The following CUL1 variants were observed in gnomAD, a reference collection of about 807,000 sequenced individuals.
CUL1 encodes the protein cullin-1.
In CUL1, 24 loss-of-function variants were observed where a neutral mutation model predicts 118.0. That is an observed-to-expected ratio of 0.20 (90% CI 0.15 to 0.29). The LOEUF is 0.29. Ranked by LOEUF, CUL1 falls within the 10% of genes least tolerant of loss-of-function variation. CUL1 has a pLI of 1.00. For synonymous variants in CUL1, 332 were observed against 340.4 expected, an observed-to-expected ratio of 0.98 and a Z score of 0.27; for missense variants, 361 against 933.8, an observed-to-expected ratio of 0.39 and a Z score of 7.99.
chr7:148,722,908 T>C (rs776264285), intron 1 of CUL1, among the ~76,000 whole-genome samples: 2 of 152,378 alleles, frequency 1.3e-5, no homozygotes, highest in Admixed American at 1.3e-4. Flanking sequence ...GTTGGCATCA[T>C]GCCCTAATCA....
intron 1 of CUL1, among the ~76,000 whole-genome samples, chr7:148,706,552 C>T (rs1797890780): frequency 6.6e-6 from 1 of 151,986 alleles, no homozygotes; most frequent in Admixed American, 6.6e-5. Context: ...GGACTCAAAA[C>T]ACACAAAGGG....
chr7:148,794,818 T>C (rs555142063), intron 17 of CUL1, among the ~76,000 whole-genome samples: 1 of 152,344 alleles, frequency 6.6e-6, no homozygotes, highest in South Asian at 2.1e-4. Context: ...TTGATGCTAT[T>C]ATAAATGGAA....
chr7:148,720,819 G>A (rs767206308), intron 1 of CUL1, among the ~76,000 whole-genome samples: 92 of 152,362 alleles, frequency 6.0e-4, no homozygotes, highest in Non-Finnish European at 9.1e-4. Context: ...TGCCACAACA[G>A]ATCTGGTGGC....
chr7:148,785,584 G>A (rs963073848), intron 11 of CUL1, among the ~76,000 whole-genome samples: 3 of 146,324 alleles, frequency 2.1e-5, no homozygotes, highest in Non-Finnish European at 3.0e-5. Flanking sequence ...GGCTCGTCTC[G>A]AACTCCTGAC....
At chr7:148,769,397 TCACACACACACACACACACACACACACA>T (rs55858322) in intron 9 of CUL1, among the ~76,000 whole-genome samples, 2 of 129,042 alleles carry the variant, frequency 1.5e-5, no homozygotes, top group South Asian at 2.8e-4. Context: ...AGGGCCTGAT[TCACACACACACACACACACACACACACA>T]CACACACACA....
chr7:148,791,323 A>G (rs1801000793), intron 16 of CUL1, among the ~76,000 whole-genome samples: 1 of 152,220 alleles, frequency 6.6e-6, no homozygotes, highest in African/African-American at 2.4e-5. Context: ...GAAACTCCAG[A>G]ATGGGTTGTT....
chr7:148,777,958 G>A lies in CUL1; in HGVS notation c.1084-5825G>A, dbSNP rs572499205. 2.0e-3 allele frequency among the ~76,000 whole-genome samples: 297 copies of A among 151,014 alleles called. 7 individuals carry two copies. Among genetic ancestry groups the A allele is most frequent in the Non-Finnish European group, 2.1e-4 (14 of 67,776 alleles). ...TGCACCTGTAATCTCAGCTACTTGG[G>A]AGGCTGAGGCAGAAGAGTCACTTGA... On this transcript the variant is annotated intron_variant, in intron 9 of 21. Coordinates refer to ENST00000325222, the MANE Select transcript of CUL1 (RefSeq NM_003592.3).
At chr7:148,711,238 A>G (rs1798040306) in intron 1 of CUL1, among the ~76,000 whole-genome samples, 1 of 152,236 alleles carries the variant, frequency 6.6e-6, no homozygotes, top group Admixed American at 6.5e-5. Flanking sequence ...GGAAAATACT[A>G]AAAAGTTCTT....
intron 7 of CUL1, among the ~76,000 whole-genome samples, chr7:148,763,142 G>A (rs993535392): frequency 6.6e-6 from 1 of 151,072 alleles, no homozygotes; most frequent in Non-Finnish European, 1.5e-5. Flanking sequence ...GTGAGACTCT[G>A]TCTCAAAAAA....
At chr7:148,706,743 C>T (rs1020270367) in intron 1 of CUL1, among the ~76,000 whole-genome samples, 2 of 151,994 alleles carry the variant, frequency 1.3e-5, no homozygotes, top group African/African-American at 2.4e-5. Flanking sequence ...ACAGGTGAAA[C>T]GTACTGTATG....
intron 9 of CUL1, among the ~76,000 whole-genome samples, chr7:148,768,988 GA>G (rs1323456058): frequency 6.6e-6 from 1 of 151,956 alleles, no homozygotes; most frequent in East Asian, 1.9e-4. Flanking sequence ...TGGATTTTAT[GA>G]AAAAGATCTC....
intron 14 of CUL1, 63 bp downstream of exon 14, chr7:148,788,737 A>G (rs1800903316): frequency 9.4e-7 from 1 of 1,060,876 alleles, no homozygotes. Flanking sequence ...AAATGAAGAA[A>G]TGACAAAATA....
chr7:148,777,860 G>A (rs555686719), intron 9 of CUL1, among the ~76,000 whole-genome samples: 2 of 151,894 alleles, frequency 1.3e-5, no homozygotes, highest in South Asian at 4.2e-4. Context: ...GAGGTCAGGA[G>A]TTTGAGACCA....
intron 1 of CUL1, among the ~76,000 whole-genome samples, chr7:148,722,607 C>A (rs1798432364): frequency 6.6e-6 from 1 of 152,232 alleles, no homozygotes; most frequent in African/African-American, 2.4e-5. Flanking sequence ...TCTGCACTAG[C>A]CATTTCTATC....
intron 9 of CUL1, among the ~76,000 whole-genome samples, chr7:148,770,036 AG>A: frequency 1.3e-5 from 2 of 152,398 alleles, no homozygotes; most frequent in South Asian, 4.1e-4. Context: ...GGATACAATC[AG>A]CTGCCTGATA....
chr7:148,765,124 A>G (rs1242841444), intron 7 of CUL1, among the ~76,000 whole-genome samples: 1 of 152,232 alleles, frequency 6.6e-6, no homozygotes, highest in Non-Finnish European at 1.5e-5. Flanking sequence ...TACATACTGC[A>G]GATATTTTCC....
At chr7:148,763,000 A>G (rs1799883740) in intron 7 of CUL1, among the ~76,000 whole-genome samples, 1 of 152,212 alleles carries the variant, frequency 6.6e-6, no homozygotes, top group African/African-American at 2.4e-5. Flanking sequence ...TACAAAAATT[A>G]GCCAAGTGTG....
intron 1 of CUL1, among the ~76,000 whole-genome samples, chr7:148,720,850 C>T (rs1376884277): frequency 6.6e-6 from 1 of 152,200 alleles, no homozygotes; most frequent in Non-Finnish European, 1.5e-5. Context: ...TTTCTTACTC[C>T]TGAAATTATT....
intron 2 of CUL1, among the ~76,000 whole-genome samples, chr7:148,748,540 TATAAG>T (rs1450093670): frequency 2.6e-5 from 4 of 152,196 alleles, no homozygotes; most frequent in South Asian, 2.1e-4. Context: ...TTTAGAGAAT[TATAAG>T]ATAAATTGAT....
Sources: allele counts gnomAD v4.1 joint callset (sites outside exome capture counted in the v4.1 genomes callset), GRCh38; gene constraint gnomAD v4.1.1; transcripts MANE v1.5; gene names NCBI Gene and HGNC (gene_info 2026-07-23, HGNC 2026-07-21).